Variants in UGT1A7 observed in about 807,000 individuals in gnomAD.
UGT1A7 encodes the protein UDP-glucuronosyltransferase 1A7.
A neutral mutation model predicts 45.6 loss-of-function variants in UGT1A7; 33 were observed. The ratio of observed to expected loss-of-function variants is 0.72; its 90% CI spans 0.55 to 0.97. The LOEUF (loss-of-function observed/expected upper bound fraction) is 0.97, where lower values mean the gene tolerates loss of function less well. UGT1A7 is among the 50% of genes least tolerant of loss of function. The pLI, the probability that UGT1A7 is intolerant of heterozygous loss-of-function variation, is 0.00. For missense variants in UGT1A7, 684 were observed against 666.2 expected (o/e 1.03, Z -0.29); for synonymous variants, 274 against 250.6 (o/e 1.09, Z -0.88).
chr2:233,744,809 C>T (rs1203148811), intron 1 of UGT1A7, among the ~76,000 whole-genome samples: 1 of 151,860 alleles, frequency 6.6e-6, no homozygotes. Context: ...CCTAGGATTT[C>T]CTGGCTCATA....
intron 1 of UGT1A7, among the ~76,000 whole-genome samples, chr2:233,757,449 A>G (rs1402767251): frequency 1.3e-5 from 2 of 150,796 alleles, no homozygotes; most frequent in Admixed American, 6.6e-5. Context: ...ATACAGAAAC[A>G]TGTCCAGAGC....
chr2:233,760,894 C>A, intron 1 of UGT1A7: 1 of 1,614,174 alleles, frequency 6.2e-7, no homozygotes, highest in Non-Finnish European at 8.5e-7. Context: ...TCATTCAGAT[C>A]ACATGACCTT....
At chr2:233,741,895 C>T (rs1371352009) in intron 1 of UGT1A7, 1 of 151,808 alleles carries the variant, frequency 6.6e-6, no homozygotes, top group African/African-American at 2.4e-5. Flanking sequence ...GAAGAAGGGA[C>T]CCTTTGTGAT....
intron 1 of UGT1A7, among the ~76,000 whole-genome samples, chr2:233,738,182 G>A (rs913308909): frequency 7.9e-5 from 12 of 152,164 alleles, no homozygotes; most frequent in African/African-American, 2.9e-4. Flanking sequence ...TGTAAGACGT[G>A]TCTTTGCCTC....
intron 1 of UGT1A7, among the ~76,000 whole-genome samples, chr2:233,717,147 A>G (rs2076552240): frequency 6.6e-6 from 1 of 152,232 alleles, no homozygotes. Flanking sequence ...ACATGGAAAT[A>G]GAACATGGGA....
chr2:233,740,930 T>G (rs1298950917), intron 1 of UGT1A7: 2 of 151,696 alleles, frequency 1.3e-5, no homozygotes, highest in African/African-American at 2.4e-5. Flanking sequence ...ACAAAAAGTT[T>G]TTTTTTTAAT....
chr2:233,716,529 A>T (rs1261815071), intron 1 of UGT1A7, among the ~76,000 whole-genome samples: 1 of 152,154 alleles, frequency 6.6e-6, no homozygotes, highest in Non-Finnish European at 1.5e-5. Flanking sequence ...CCATTCAATT[A>T]TCTCCTTTCT....
rs1182689801 is a variant in UGT1A7, at chr2:233,724,261, G to A, written c.855+41469G>A. Among the ~76,000 whole-genome samples, 54 of 98,670 alleles carry A rather than the reference G, an allele frequency of 5.5e-4. 1 individual carries two copies. The highest frequency in any genetic ancestry group is 1.1e-3 in the East Asian group (3 of 2,618). The allele number at this position is 98,670 out of a possible 152,430, so 64.7% of individuals were successfully genotyped here. Reference sequence around the variant, plus strand: ...CGGGCAGAGGCGCCCCTCACCTCCCGGACGGGGCGGCTGGCCGGGCGGGGG... The same window carrying A: ...CGGGCAGAGGCGCCCCTCACCTCCCAGACGGGGCGGCTGGCCGGGCGGGGG... On this transcript the variant is annotated intron_variant, in intron 1 of 4. Coordinates refer to ENST00000373426, the MANE Select transcript of UGT1A7 (RefSeq NM_019077.3).
intron 1 of UGT1A7, among the ~76,000 whole-genome samples, chr2:233,696,279 C>T (rs537707708): frequency 2.6e-5 from 4 of 152,226 alleles, no homozygotes; most frequent in Admixed American, 6.5e-5. Context: ...ATAAAGAAAA[C>T]GTAGGACTGT....
chr2:233,682,173 C>T lies in UGT1A7; in HGVS notation c.236C>T (p.Thr79Ile), dbSNP rs2074561075. 1.1e-5 allele frequency: 18 copies of T among 1,614,200 alleles called. No homozygotes were observed. The East Asian group carries it at 4.0e-4, about 36-fold the overall frequency. ...AATTGCACAGTGAAGACTTACTCAACCTCATACACTCTGGAGGATCAGGAC... is the reference window on the plus strand; with the variant it reads ...AATTGCACAGTGAAGACTTACTCAATCTCATACACTCTGGAGGATCAGGAC... ...SLNCTVKTYS[T>I]SYTLEDQDRE... The change falls in exon 1 of 5, where the codon ACC (threonine) becomes ATC (isoleucine). Residue 79 changes from threonine to isoleucine, a missense_variant. Coordinates refer to ENST00000373426, the MANE Select transcript of UGT1A7 (RefSeq NM_019077.3).
chr2:233,754,442 A>C (rs1695486969), intron 1 of UGT1A7: 2 of 350,172 alleles, frequency 5.7e-6, no homozygotes, highest in African/African-American at 4.3e-5. Flanking sequence ...AGTGTTTATA[A>C]ATTCTTGGGT....
rs887601721 is a variant in UGT1A7 at position 233,701,996 on chromosome 2, G to C, written c.855+19204G>C. On this transcript the variant is annotated intron_variant, in intron 1 of 4. Coordinates refer to ENST00000373426, the MANE Select transcript of UGT1A7 (RefSeq NM_019077.3). ...AAAAGGCAAGAAATAACTAAGATCA[G>C]AGCAGAACTGAAGGAAATAGAGACA... 5.3e-5 allele frequency among the ~76,000 whole-genome samples: 8 copies of C among 152,166 alleles called. No homozygotes were observed. In the South Asian group the frequency reaches 1.0e-3, roughly 20 times the overall value.
At chr2:233,755,453 T>A (rs1392430727) in intron 1 of UGT1A7, 2 of 305,122 alleles carry the variant, frequency 6.6e-6, no homozygotes, top group Non-Finnish European at 1.3e-5. Context: ...CTCCTGGGAC[T>A]GGCCCTGCTC....
At chr2:233,761,660 C>T (rs998044886) in intron 1 of UGT1A7, among the ~76,000 whole-genome samples, 2 of 152,246 alleles carry the variant, frequency 1.3e-5, no homozygotes, top group African/African-American at 4.8e-5. Flanking sequence ...ATGAGTGAAT[C>T]ACCAGACAGT....
chr2:233,717,344 G>A (rs187624404), intron 1 of UGT1A7, among the ~76,000 whole-genome samples: 9 of 152,242 alleles, frequency 5.9e-5, no homozygotes, highest in Admixed American at 2.0e-4. Context: ...CCCAGAAATC[G>A]TCCTCCCCTG....
intron 1 of UGT1A7, chr2:233,719,818 A>G: frequency 6.3e-7 from 1 of 1,577,544 alleles, no homozygotes; most frequent in Non-Finnish European, 8.6e-7. Flanking sequence ...ATAACAGATA[A>G]ACTGTTGAGG....
At chr2:233,747,889 C>G (rs1274333143) in intron 1 of UGT1A7, 6 of 1,613,432 alleles carry the variant, frequency 3.7e-6, no homozygotes, top group Non-Finnish European at 4.2e-6. Context: ...CTTTGCCATG[C>G]TCTTTCTGCT....
At chr2:233,692,519 T>C (rs2075099772) in intron 1 of UGT1A7, among the ~76,000 whole-genome samples, 1 of 152,124 alleles carries the variant, frequency 6.6e-6, no homozygotes, top group Non-Finnish European at 1.5e-5. Flanking sequence ...GTGGGGTCCG[T>C]GCTAACTCAG....
intron 1 of UGT1A7, chr2:233,729,420 A>G (rs2077855113): frequency 5.6e-6 from 9 of 1,613,854 alleles, no homozygotes; most frequent in Middle Eastern, 1.7e-4. Flanking sequence ...GCCACACTCA[A>G]CTGTACTTTG....
Sources: allele counts gnomAD v4.1 joint callset (sites outside exome capture counted in the v4.1 genomes callset), GRCh38; gene constraint gnomAD v4.1.1; transcripts MANE v1.5; gene names NCBI Gene and HGNC (gene_info 2026-07-23, HGNC 2026-07-21).